Variants in ABCC4 observed in about 807,000 individuals in gnomAD.
ABCC4 encodes the protein ATP binding cassette subfamily C member 4 (PEL blood group).
A neutral mutation model predicts 168.5 loss-of-function variants in ABCC4; 102 were observed. That is an observed-to-expected ratio of 0.61 (90% CI 0.52 to 0.71). The LOEUF (loss-of-function observed/expected upper bound fraction) is 0.71. Ranked by LOEUF, ABCC4 falls within the 30% of genes least tolerant of loss-of-function variation. ABCC4 has a pLI of 0.00. For missense variants in ABCC4, 1,402 were observed against 1,605.8 expected (o/e 0.87, Z 2.17); for synonymous variants, 617 against 590.7 (o/e 1.04, Z -0.65).
intron 19 of ABCC4, among the ~76,000 whole-genome samples, chr13:95,155,718 T>C (rs543889165): frequency 6.6e-6 from 1 of 152,338 alleles, no homozygotes; most frequent in South Asian, 2.1e-4. Flanking sequence ...TAACTTTTAC[T>C]TCCCTGAGAG....
chr13:95,025,206 A>AC (rs2031366971), intron 30 of ABCC4, among the ~76,000 whole-genome samples: 1 of 41,082 alleles, frequency 2.4e-5, no homozygotes, highest in African/African-American at 1.3e-4. Flanking sequence ...ACACACCCCC[A>AC]CACCCCCCAC....
At chr13:95,284,895 A>T (rs7986283) in intron 1 of ABCC4, among the ~76,000 whole-genome samples, 1 of 150,436 alleles carries the variant, frequency 6.6e-6, no homozygotes, top group Non-Finnish European at 1.5e-5. Context: ...TTGGTAAGGT[A>T]CTTAGAATAG....
At chr13:95,204,649 T>C (rs2038729575) in intron 8 of ABCC4, among the ~76,000 whole-genome samples, 1 of 152,188 alleles carries the variant, frequency 6.6e-6, no homozygotes, top group African/African-American at 2.4e-5. Context: ...CCAATATAAA[T>C]TGCCCAGTCT....
At chr13:95,225,631 C>T (rs12428470) in intron 4 of ABCC4, among the ~76,000 whole-genome samples, 116,339 of 152,056 alleles carry the variant, frequency 0.77, 44,991 homozygotes, top group Non-Finnish European at 0.84. Context: ...GATCGTGCCA[C>T]TGCACTCCAG....
intron 9 of ABCC4, 48 bp downstream of exon 9, chr13:95,194,788 T>G (rs190166565): frequency 6.9e-7 from 1 of 1,458,650 alleles, no homozygotes; most frequent in South Asian, 1.2e-5. Context: ...TAAATCAATG[T>G]CACTCATTAT....
chr13:95,064,615 A>G (rs1321757867), intron 25 of ABCC4, among the ~76,000 whole-genome samples: 1 of 151,912 alleles, frequency 6.6e-6, no homozygotes, highest in Non-Finnish European at 1.5e-5. Flanking sequence ...GTGGACACTC[A>G]TGTTATCAGC....
intron 30 of ABCC4, among the ~76,000 whole-genome samples, chr13:95,024,206 C>CAA (rs71207428): frequency 1.2e-3 from 52 of 43,802 alleles, no homozygotes; most frequent in Non-Finnish European, 1.3e-3. Flanking sequence ...GAGACTGTCT[C>CAA]AAAAAAAAAA....
At chr13:95,300,520 C>A (rs778623850) in intron 1 of ABCC4, among the ~76,000 whole-genome samples, 6 of 152,124 alleles carry the variant, frequency 3.9e-5, no homozygotes, top group Non-Finnish European at 8.8e-5. Flanking sequence ...CCACATGAAA[C>A]TTGCCATAAC....
At chr13:95,251,740 G>A (rs1009754306) in intron 1 of ABCC4, among the ~76,000 whole-genome samples, 1 of 152,186 alleles carries the variant, frequency 6.6e-6, no homozygotes, top group Admixed American at 6.5e-5. Context: ...AACAAGGAAG[G>A]CTAAGGGCAG....
intron 26 of ABCC4, among the ~76,000 whole-genome samples, chr13:95,061,393 G>C (rs1328626493): frequency 6.6e-6 from 1 of 152,142 alleles, no homozygotes; most frequent in Non-Finnish European, 1.5e-5. Flanking sequence ...AATTGTTTTA[G>C]AGGTCAGTGC....
At chr13:95,257,722 A>G (rs2040428188) in intron 1 of ABCC4, among the ~76,000 whole-genome samples, 1 of 152,118 alleles carries the variant, frequency 6.6e-6, no homozygotes, top group Non-Finnish European at 1.5e-5. Context: ...GGACTCTTGC[A>G]GTTCAAACCC....
intron 25 of ABCC4, among the ~76,000 whole-genome samples, chr13:95,068,609 C>T (rs1287936033): frequency 6.6e-6 from 1 of 152,162 alleles, no homozygotes; most frequent in Non-Finnish European, 1.5e-5. Flanking sequence ...CACAGCGAGA[C>T]TCTGTCTCAA....
intron 13 of ABCC4, among the ~76,000 whole-genome samples, chr13:95,176,230 GGGGGGGGGGGGGGGGT>G (rs2037690305): frequency 1.7e-5 from 1 of 59,958 alleles, no homozygotes; most frequent in Admixed American, 1.3e-4. Context: ...GGGCAGGGGG[GGGGGGGGGGGGGGGGT>G]GGATCCCTTG....
chr13:95,182,637 T>A (rs1318202386), intron 11 of ABCC4, among the ~76,000 whole-genome samples: 1 of 152,240 alleles, frequency 6.6e-6, no homozygotes, highest in African/African-American at 2.4e-5. Flanking sequence ...AAGTTCATGA[T>A]CAAATCTTAT....
chr13:95,207,821 T>C lies in ABCC4; in HGVS notation c.890A>G (p.Asn297Ser), dbSNP rs200387797. The C allele has an allele frequency of 1.4e-4, 225 of 1,613,028 alleles. No homozygotes were observed. Among genetic ancestry groups the C allele is most frequent in the Non-Finnish European group, 1.7e-4 (201 of 1,179,598 alleles). Reference protein sequence around the residue: ...KMYAWEKSFSNLITNLRKKEI... With the variant: ...KMYAWEKSFSSLITNLRKKEI... ...TTACTTTCTCAAATTGGTAATAAGA[T>C]TTGAAAATGACTTTTCCCAGGCGTA... Residue 297 changes from asparagine to serine, a missense_variant, in exon 7 of 31, where the codon AAT becomes AGT. This residue lies in a region of ABCC4 where 78 missense variants were observed against 133.0 expected (regional missense o/e 0.59). Transcript: ENST00000645237.
rs1405600381 is a variant in ABCC4 at position 95,259,860 on chromosome 13, A to AGG, written c.75-12108_75-12107insCC. ...GTTACATCTGTGTAGTGTGGGGAAA[A>AGG]AAAAAAAAAAAAGATGGGACACATG... On this transcript the variant is annotated intron_variant, in intron 1 of 30. Transcript: ENST00000645237. Among the ~76,000 whole-genome samples, 1,284 of 151,358 alleles carry AGG rather than the reference A, an allele frequency of 8.5e-3. 30 individuals are homozygous for AGG. In the East Asian group the frequency reaches 0.086, roughly 10 times the overall value.
At chr13:95,110,487 T>A (rs976698055) in intron 20 of ABCC4, among the ~76,000 whole-genome samples, 1 of 152,138 alleles carries the variant, frequency 6.6e-6, no homozygotes. Flanking sequence ...ACAAATAAAT[T>A]TGCACTATTA....
At position 95,164,482 on chromosome 13, in the gene ABCC4, G is replaced by T; in HGVS notation, c.2071C>A (p.Arg691Ser). The change falls in exon 16 of 31, where the codon CGT (arginine) becomes AGT (serine). Residue 691 changes from arginine to serine, a missense_variant. Physicochemically the swap from Arg to Ser is moderately radical, Grantham distance 110. This residue lies in a region of ABCC4 where 1,007 missense variants were observed against 1,127.3 expected (regional missense o/e 0.89). Coordinates refer to ENST00000645237, the MANE Select transcript of ABCC4 (RefSeq NM_005845.5). ...NVPVTLSEEN[R>S]SEGKVGFQAY... is the part of the protein sequence containing the mutation. The stretch of plus-strand genomic sequence containing the variant: ...TGAAAACCAACTTTTCCTTCAGAAC[G>T]GTTCTCCTCTGATAGTGTAACTGGG... 1.2e-6 allele frequency: 2 copies of T among 1,614,116 alleles called. No homozygotes were observed. The highest frequency in any genetic ancestry group is 1.7e-6 in the Non-Finnish European group (2 of 1,180,004).
chr13:95,206,923 C>CA, intron 7 of ABCC4, 142 bp from the exon 8 acceptor site: 2 of 892,536 alleles, frequency 2.2e-6, no homozygotes, highest in East Asian at 2.4e-5. Flanking sequence ...GCAACAACAA[C>CA]AAAAAAGTGC....
Sources: allele counts gnomAD v4.1 joint callset (sites outside exome capture counted in the v4.1 genomes callset), GRCh38; gene constraint gnomAD v4.1.1; regional missense constraint gnomAD v4.1.1; transcripts MANE v1.5; gene names NCBI Gene and HGNC (gene_info 2026-07-23, HGNC 2026-07-21).